The following TIAM2 variants were observed in gnomAD, a reference collection of about 807,000 sequenced individuals.
The protein encoded by TIAM2 is rho guanine nucleotide exchange factor TIAM2.
A neutral mutation model predicts 152.9 loss-of-function variants in TIAM2; 80 were observed. The ratio of observed to expected loss-of-function variants is 0.52; its 90% CI spans 0.44 to 0.63. The LOEUF (loss-of-function observed/expected upper bound fraction) is 0.63, where lower values mean the gene tolerates loss of function less well. Ranked by LOEUF, TIAM2 falls within the 30% of genes least tolerant of loss-of-function variation. TIAM2 has a pLI of 0.00. For synonymous variants in TIAM2, 804 were observed against 838.0 expected, an observed-to-expected ratio of 0.96 and a Z score of 0.70; for missense variants, 1,965 against 2,120.1, an observed-to-expected ratio of 0.93 and a Z score of 1.44.
rs548891907 is a variant in TIAM2, at chr6:155,170,052, C to G, written c.2361+4643C>G. ...CAGGCTGGTCTTGAACTCCTGACGTCGCGATCCACCCACCTCAGTCTCCCA... is the reference window on the plus strand; with the variant it reads ...CAGGCTGGTCTTGAACTCCTGACGTGGCGATCCACCCACCTCAGTCTCCCA... On this transcript the variant is annotated intron_variant, in intron 9 of 26. Transcript: ENST00000682666. Among the ~76,000 whole-genome samples the G allele has an allele frequency of 1.9e-3, 294 of 152,124 alleles. 1 individual carries two copies. Among genetic ancestry groups the G allele is most frequent in the African/African-American group, 6.8e-3 (281 of 41,506 alleles).
chr6:155,030,874 G>A (rs543428143), intron 1 of TIAM2, among the ~76,000 whole-genome samples: 7 of 152,226 alleles, frequency 4.6e-5, no homozygotes, highest in Admixed American at 3.3e-4. Flanking sequence ...TTTAAATCAG[G>A]ATCTCAACTG....
In TIAM2 at chr6:155,250,504, C is replaced by G. The variant is rs771394338; in HGVS notation, c.3952-409C>G. On this transcript the variant is annotated intron_variant, in intron 21 of 26. Transcript: ENST00000682666. ...AAGGACTGGAGATCAGTCCTTCACT[C>G]TGGCCAGTTTCAATGCTGGTGCTCT... 3.3e-6 allele frequency: 5 copies of G among 1,522,084 alleles called. 1 individual carries two copies. In the South Asian group the frequency reaches 3.6e-5, roughly 11 times the overall value. 94.3% of individuals were successfully genotyped at this position (1,522,084 alleles called of 1,614,324 possible).
In TIAM2 at chr6:155,240,553, G is replaced by A. The variant is rs751566632; in HGVS notation, c.3192G>A (p.Leu1064=). The A allele has an allele frequency of 6.2e-7, 1 of 1,613,998 alleles. No homozygotes were observed. The highest frequency in any genetic ancestry group is 1.7e-5 in the Admixed American group (1 of 60,028). The stretch of plus-strand genomic sequence containing the variant: ...AGAGTGCTGAGCAGATCACTGCACT[G>A]TGCAGGAGTTTTAACGACAGTCAGG... ...TFRSAEQITA[L]CRSFNDSQAN... Residue 1064 remains leucine (L), a synonymous_variant, in exon 16 of 27, where the codon CTG becomes CTA. Transcript: ENST00000682666.
rs146208233 is a variant in TIAM2, at chr6:155,254,201, C to A, written c.4313+141C>A. On this transcript the variant is annotated intron_variant, in intron 25 of 26. Coordinates refer to ENST00000682666, the MANE Select transcript of TIAM2 (RefSeq NM_012454.4). ...ACCCTCCGAAAAAGGCAACTGAGGCCGCTAGTAGGAGACTATGTTGATTAA... is the reference window on the plus strand; with the variant it reads ...ACCCTCCGAAAAAGGCAACTGAGGCAGCTAGTAGGAGACTATGTTGATTAA... 3 of 1,008,818 alleles carry A rather than the reference C, an allele frequency of 3.0e-6. No homozygotes were observed. The African/African-American group carries it at 4.9e-5, about 17-fold the overall frequency. 62.5% of individuals were successfully genotyped at this position (1,008,818 alleles called of 1,614,324 possible). A position where few individuals can be genotyped will look rare whatever the true frequency, so the allele number is the denominator to read the frequency against.
At chr6:155,045,840 C>CT (rs11354850) in intron 1 of TIAM2, among the ~76,000 whole-genome samples, 10,636 of 60,570 alleles carry the variant, frequency 0.18, 932 homozygotes, top group African/African-American at 0.22. Context: ...ATAGTGCCCT[C>CT]TTTTTTTTTT....
chr6:155,250,314 A>T (rs1283846988), intron 21 of TIAM2, among the ~76,000 whole-genome samples: 3 of 136,364 alleles, frequency 2.2e-5, no homozygotes, highest in East Asian at 4.0e-4. Flanking sequence ...TTTTTTTAAC[A>T]TCAAATATTG....
chr6:155,250,682 C>G, intron 21 of TIAM2: 1 of 1,459,436 alleles, frequency 6.9e-7, no homozygotes, highest in Non-Finnish European at 9.3e-7. Flanking sequence ...CCTACATGTG[C>G]GTGCACTGGA....
intron 14 of TIAM2, among the ~76,000 whole-genome samples, chr6:155,200,209 C>G (rs1240016174): frequency 6.6e-6 from 1 of 152,174 alleles, no homozygotes; most frequent in Non-Finnish European, 1.5e-5. Flanking sequence ...GACTGATGAT[C>G]AGAAAGGTCT....
At position 155,156,522 on chromosome 6, in the gene TIAM2, G is replaced by A. The variant is rs574034254; in HGVS notation, c.2029-7893G>A. On this transcript the variant is annotated intron_variant, in intron 7 of 26. Transcript: ENST00000682666. The surrounding 1 kb of genome is among the most constrained non-coding windows in gnomAD (Gnocchi z 4.4). ...ATACAAAAATAATTAGCCAGGTGTC[G>A]TGGCGCATACCTGTAATCCCAGCTA... 7.2e-5 allele frequency among the ~76,000 whole-genome samples: 11 copies of A among 152,224 alleles called. No individual in the cohort carries two copies. Among genetic ancestry groups the A allele is most frequent in the South Asian group, 2.1e-4 (1 of 4,810 alleles).
intron 7 of TIAM2, among the ~76,000 whole-genome samples, chr6:155,151,840 T>TC (rs1332223962): frequency 1.9e-5 from 2 of 103,644 alleles, no homozygotes; most frequent in Non-Finnish European, 4.5e-5. Flanking sequence ...TTTTTTTTTC[T>TC]TTTTTTTTCT....
intron 1 of TIAM2, among the ~76,000 whole-genome samples, chr6:155,034,746 C>CT (rs1478984808): frequency 6.6e-6 from 1 of 152,146 alleles, no homozygotes; most frequent in African/African-American, 2.4e-5. Flanking sequence ...TAGTTAACCT[C>CT]TTTTTCCTGC....
chr6:155,158,112 A>G (rs1210433536), intron 7 of TIAM2, among the ~76,000 whole-genome samples: 1 of 152,180 alleles, frequency 6.6e-6, no homozygotes, highest in Non-Finnish European at 1.5e-5. Context: ...AAGAAACATG[A>G]ATTATCTTAT....
Position 155,206,860 on chromosome 6 carries a change from A to G in TIAM2, c.3065-4344A>G, listed in dbSNP as rs550404198. ...GGGTATATTAACCAGATACAAATAG[A>G]TAACTCTTGACTTGAATTTATAATT... is the stretch of plus-strand genomic sequence containing the variant. On this transcript the variant is annotated intron_variant, in intron 14 of 26. Transcript: ENST00000682666. Among the ~76,000 whole-genome samples the G allele has an allele frequency of 3.9e-5, 6 of 152,344 alleles. No homozygotes were observed. In the East Asian group the frequency reaches 5.8e-4, roughly 15 times the overall value.
intron 14 of TIAM2, among the ~76,000 whole-genome samples, chr6:155,209,070 T>C (rs989329921): frequency 1.3e-5 from 2 of 151,878 alleles, no homozygotes; most frequent in African/African-American, 4.8e-5. Flanking sequence ...TCCTTTGAAG[T>C]GTTTTAAGGG....
intron 1 of TIAM2, among the ~76,000 whole-genome samples, chr6:155,089,497 G>A (rs185262669): frequency 3.9e-5 from 6 of 152,222 alleles, no homozygotes; most frequent in South Asian, 2.1e-4. Flanking sequence ...ATGAGCCACC[G>A]TGCCTGGCCT....
At chr6:154,998,345 G>A (rs1331190239) in intron 1 of TIAM2, among the ~76,000 whole-genome samples, 1 of 152,282 alleles carries the variant, frequency 6.6e-6, no homozygotes, top group South Asian at 2.1e-4. Flanking sequence ...AAAGTGAGAT[G>A]TCACAGAATT....
chr6:155,227,916 A>C (rs1394817721), intron 15 of TIAM2, among the ~76,000 whole-genome samples: 2 of 152,162 alleles, frequency 1.3e-5, no homozygotes, highest in African/African-American at 4.8e-5. Flanking sequence ...GGCGCAACCG[A>C]ATTATTTTCT....
intron 21 of TIAM2, 44 bp downstream of exon 21, chr6:155,250,013 T>C (rs1440813525): frequency 6.0e-6 from 9 of 1,503,558 alleles, no homozygotes; most frequent in Non-Finnish European, 8.2e-6. Context: ...GCATGTGGTG[T>C]GGGGTCTGTA....
At chr6:155,190,199 G>A (rs1383110240) in intron 14 of TIAM2, among the ~76,000 whole-genome samples, 1 of 152,208 alleles carries the variant, frequency 6.6e-6, no homozygotes, top group Admixed American at 6.5e-5. Context: ...TGGAGTGTGT[G>A]TGTGACTTGA....
Sources: allele counts gnomAD v4.1 joint callset (sites outside exome capture counted in the v4.1 genomes callset), GRCh38; gene constraint gnomAD v4.1.1; non-coding constraint Gnocchi (gnomAD v3.1); transcripts MANE v1.5; gene names NCBI Gene and HGNC (gene_info 2026-07-23, HGNC 2026-07-21).